The following RNLS variants were observed in gnomAD, a reference collection of about 807,000 sequenced individuals.
The protein encoded by RNLS is renalase, FAD dependent amine oxidase.
RNLS carries 39 observed loss-of-function variants against 39.8 expected under a neutral mutation model. The ratio of observed to expected loss-of-function variants is 0.98; its 90% CI spans 0.76 to 1.28. The LOEUF (loss-of-function observed/expected upper bound fraction) is 1.28. RNLS is among the 50% of genes most tolerant of loss of function. RNLS has a pLI of 0.00. For synonymous variants in RNLS, 147 were observed against 150.7 expected (o/e 0.98, Z 0.18); for missense variants, 410 against 413.3 (o/e 0.99, Z 0.07).
chr10:88,346,340 C>T (rs1848304524), intron 5 of RNLS, among the ~76,000 whole-genome samples: 1 of 152,132 alleles, frequency 6.6e-6, no homozygotes, highest in African/African-American at 2.4e-5. Flanking sequence ...AAAACTGTTG[C>T]TAAGAATACT....
chr10:88,183,585 A>G, the RNLS span, among the ~76,000 whole-genome samples: 4 of 152,128 alleles, frequency 2.6e-5, no homozygotes, highest in East Asian at 1.9e-4. Context: ...AAAAATCCAT[A>G]CTACTTTGTT....
At chr10:88,235,119 G>A in the RNLS span, among the ~76,000 whole-genome samples, 11 of 151,888 alleles carry the variant, frequency 7.2e-5, no homozygotes, top group South Asian at 1.0e-3. Context: ...AAAATTAGCC[G>A]GGCGTCGGGG....
chr10:88,414,024 A>C (rs1853860796), intron 4 of RNLS, among the ~76,000 whole-genome samples: 1 of 152,172 alleles, frequency 6.6e-6, no homozygotes, highest in Non-Finnish European at 1.5e-5. Context: ...TATAAATATC[A>C]TGTCATTTTC....
intron 4 of RNLS, among the ~76,000 whole-genome samples, chr10:88,561,484 ATAATGGATT>A (rs1436269397): frequency 6.6e-6 from 1 of 152,220 alleles, no homozygotes; most frequent in Non-Finnish European, 1.5e-5. Flanking sequence ...TGGTGCTGAT[ATAATGGATT>A]TCACTCTGGA....
rs1589871240 is a variant in RNLS at position 88,483,254 on chromosome 10, T to C, written c.526+89649A>G. 3.3e-5 allele frequency among the ~76,000 whole-genome samples: 5 copies of C among 152,278 alleles called. 1 individual carries two copies. The highest frequency in any genetic ancestry group is 3.3e-4 in the Admixed American group (5 of 15,284). On this transcript the variant is annotated intron_variant, in intron 4 of 6. Transcript: ENST00000331772. ...TGATTCCATAGCTGTTAAATGGTTA[T>C]TTTTGTCAGTTTTTTCTGGCTTTAC...
chr10:88,204,159 G>A, the RNLS span, among the ~76,000 whole-genome samples: 26 of 152,234 alleles, frequency 1.7e-4, no homozygotes, highest in Admixed American at 3.9e-4. Flanking sequence ...CTGTGCTTGG[G>A]CTGGAGCACT....
intron 4 of RNLS, among the ~76,000 whole-genome samples, chr10:88,522,354 T>C (rs576797491): frequency 1.3e-5 from 2 of 152,122 alleles, no homozygotes; most frequent in South Asian, 4.1e-4. Context: ...GACAATAATA[T>C]TGTAGGAGTT....
intron 4 of RNLS, among the ~76,000 whole-genome samples, chr10:88,449,584 T>A (rs1842250460): frequency 6.6e-6 from 1 of 152,224 alleles, no homozygotes; most frequent in African/African-American, 2.4e-5. Context: ...CATTTGTCTT[T>A]TTGTCAACAG....
At chr10:88,295,583 T>C (rs1393480531) in intron 6 of RNLS, among the ~76,000 whole-genome samples, 1 of 152,182 alleles carries the variant, frequency 6.6e-6, no homozygotes, top group Non-Finnish European at 1.5e-5. Flanking sequence ...TATCTGGTAC[T>C]ACAGAGAGCT....
At chr10:88,220,109 C>T in the RNLS span, among the ~76,000 whole-genome samples, 1 of 152,138 alleles carries the variant, frequency 6.6e-6, no homozygotes, top group East Asian at 1.9e-4. Flanking sequence ...AAGCATAAAC[C>T]CTCTAATTAG....
chr10:88,499,205 A>G (rs981090374), intron 4 of RNLS, among the ~76,000 whole-genome samples: 14 of 152,126 alleles, frequency 9.2e-5, no homozygotes, highest in African/African-American at 3.4e-4. Context: ...TCACCACTCT[A>G]CTGCTCTGCC....
At chr10:88,199,172 C>T in the RNLS span, among the ~76,000 whole-genome samples, 1 of 152,116 alleles carries the variant, frequency 6.6e-6, no homozygotes, top group Non-Finnish European at 1.5e-5. Context: ...GCCCTTATGT[C>T]CCCACGTCCT....
intron 3 of RNLS, among the ~76,000 whole-genome samples, chr10:88,575,373 C>T (rs1029431210): frequency 4.6e-5 from 7 of 151,332 alleles, no homozygotes; most frequent in Middle Eastern, 3.4e-3. Context: ...GGCCCCAACC[C>T]GACCATACTG....
intron 4 of RNLS, among the ~76,000 whole-genome samples, chr10:88,475,234 A>G (rs1484518131): frequency 6.6e-6 from 1 of 152,152 alleles, no homozygotes; most frequent in Non-Finnish European, 1.5e-5. Context: ...CCTGCTCCAC[A>G]CTTTATTAGT....
chr10:88,492,422 T>C (rs1388832535), intron 4 of RNLS, among the ~76,000 whole-genome samples: 1 of 6,670 alleles, frequency 1.5e-4, no homozygotes, highest in African/African-American at 1.4e-3. Flanking sequence ...TTTCTTTTTC[T>C]TTTTTTTTTT....
intron 5 of RNLS, among the ~76,000 whole-genome samples, chr10:88,319,374 A>G (rs367681046): frequency 3.9e-5 from 6 of 152,340 alleles, no homozygotes; most frequent in East Asian, 1.9e-4. Flanking sequence ...AAAAAAACCT[A>G]GAGTGGATTG....
chr10:88,393,049 A>G (rs1190327706), intron 4 of RNLS, among the ~76,000 whole-genome samples: 1 of 152,214 alleles, frequency 6.6e-6, no homozygotes, highest in African/African-American at 2.4e-5. Context: ...TCTCAAAATA[A>G]TAAGAGCTAT....
chr10:88,355,138 A>C (rs1381503452), intron 5 of RNLS, among the ~76,000 whole-genome samples: 1 of 152,130 alleles, frequency 6.6e-6, no homozygotes, highest in Non-Finnish European at 1.5e-5. Flanking sequence ...AAGGTTTTTA[A>C]CTTCTTCGCC....
intron 4 of RNLS, among the ~76,000 whole-genome samples, chr10:88,497,729 T>C (rs1214700299): frequency 6.6e-6 from 1 of 151,978 alleles, no homozygotes; most frequent in African/African-American, 2.4e-5. Flanking sequence ...ATGTGAAATA[T>C]CTTACATAAC....
Sources: gnomAD v4.1 joint callset for allele counts (sites outside exome capture counted in the v4.1 genomes callset) on GRCh38, gnomAD v4.1.1 for gene constraint, MANE v1.5 for transcripts, NCBI Gene and HGNC (gene_info 2026-07-23, HGNC 2026-07-21) for gene names.